Variants in NAAA observed in about 807,000 individuals in gnomAD.
NAAA encodes N-acylethanolamine-hydrolyzing acid amidase.
A neutral mutation model predicts 44.8 loss-of-function variants in NAAA; 39 were observed. The ratio of observed to expected loss-of-function variants is 0.87; its 90% CI spans 0.67 to 1.14. The LOEUF is 1.14. Among genes scored for constraint, NAAA ranks in the 50% most tolerant of loss-of-function variants. The pLI, the probability that NAAA is intolerant of heterozygous loss-of-function variation, is 0.00. For missense variants in NAAA, 460 were observed against 467.8 expected, an observed-to-expected ratio of 0.98 and a Z score of 0.15; for synonymous variants, 178 against 191.3, an observed-to-expected ratio of 0.93 and a Z score of 0.58.
intron 4 of NAAA, among the ~76,000 whole-genome samples, chr4:75,930,160 A>G (rs1376641340): frequency 6.6e-6 from 1 of 152,210 alleles, no homozygotes. Flanking sequence ...ATCAGGGTTC[A>G]TCAGACGAGC....
At chr4:75,937,980 C>G (rs1186990158) in intron 2 of NAAA, among the ~76,000 whole-genome samples, 1 of 152,220 alleles carries the variant, frequency 6.6e-6, no homozygotes, top group Non-Finnish European at 1.5e-5. Flanking sequence ...GCATGGGAGA[C>G]AAATGAGGAA....
intron 9 of NAAA, 81 bp downstream of exon 9, chr4:75,918,680 C>T (rs905570281): frequency 1.4e-6 from 2 of 1,477,286 alleles, no homozygotes; most frequent in East Asian, 2.3e-5. Context: ...GCCCTCAGAT[C>T]CTTGCTGAGC....
intron 9 of NAAA, chr4:75,916,479 G>A (rs149696584): frequency 8.5e-5 from 13 of 152,262 alleles, no homozygotes; most frequent in African/African-American, 2.9e-4. Flanking sequence ...AACCATTTCA[G>A]AAACCATTTA....
chr4:75,931,612 A>C (rs1727238806), intron 3 of NAAA, among the ~76,000 whole-genome samples: 1 of 152,228 alleles, frequency 6.6e-6, no homozygotes. Context: ...CAAATCACAC[A>C]ATCATAGTGG....
intron 4 of NAAA, among the ~76,000 whole-genome samples, chr4:75,928,636 G>T (rs1726947699): frequency 6.6e-6 from 1 of 151,556 alleles, no homozygotes; most frequent in African/African-American, 2.4e-5. Flanking sequence ...AAGATGGCTG[G>T]ATGCTCCAGT....
chr4:75,939,790 T>G (rs1169671483), intron 2 of NAAA: 11 of 573,806 alleles, frequency 1.9e-5, no homozygotes, highest in Middle Eastern at 4.8e-4. Flanking sequence ...AGGGAAAGTT[T>G]AGTGTTGAAT....
Position 75,918,764 on chromosome 4 carries a change from T to C in NAAA, c.995A>G (p.Asn332Ser), listed in dbSNP as rs752649854. The C allele has an allele frequency of 8.1e-6, 13 of 1,613,288 alleles. No homozygotes were observed. In the South Asian group the frequency reaches 1.3e-4, roughly 16 times the overall value. The stretch of plus-strand genomic sequence containing the variant: ...ACATGTTTAACAAGCCACTTACTTG[T>C]TATAAACTGGAACCACCGACAAAAT... ...FQILSVVPVY[N>S]NFTIYTTVMS... is the part of the protein sequence containing the mutation. Residue 332 changes from asparagine (N) to serine (S), a missense_variant, in exon 9 of 11, where the codon AAC (asparagine) becomes AGC (serine). By Grantham distance (46) the Asn-to-Ser change is conservative. Transcript: ENST00000286733.
At chr4:75,935,833 C>A in intron 3 of NAAA, 1 of 518,140 alleles carries the variant, frequency 1.9e-6, no homozygotes, top group Non-Finnish European at 3.3e-6. Context: ...AGAGCTGACT[C>A]TGCATAAGTG....
At chr4:75,919,040 A>G (rs1725898002) in intron 8 of NAAA, among the ~76,000 whole-genome samples, 1 of 99,992 alleles carries the variant, frequency 1.0e-5, no homozygotes, top group Admixed American at 1.0e-4. Context: ...GTGTACCTTG[A>G]GGTGATATAG....
At chr4:75,915,302 T>C (rs906180161) in intron 9 of NAAA, among the ~76,000 whole-genome samples, 10 of 152,038 alleles carry the variant, frequency 6.6e-5, no homozygotes, top group Admixed American at 2.0e-4. Context: ...TGAGCTGAGA[T>C]TGCGCCACTG....
chr4:75,912,384 C>T (rs1725360890), downstream of NAAA, among the ~76,000 whole-genome samples: 1 of 152,008 alleles, frequency 6.6e-6, no homozygotes, highest in Non-Finnish European at 1.5e-5. Context: ...GAAACCCTGT[C>T]TCTACTAAAA....
chr4:75,918,826 A>G (rs9999363), intron 8 of NAAA, 37 bp from the exon 9 acceptor site: 37 of 1,577,604 alleles, frequency 2.3e-5, no homozygotes, highest in Non-Finnish European at 3.1e-5. Flanking sequence ...AGAAGATTAC[A>G]TGGTAGAAGA....
intron 4 of NAAA, among the ~76,000 whole-genome samples, chr4:75,926,190 CA>C (rs1179963225): frequency 6.6e-6 from 1 of 152,022 alleles, no homozygotes; most frequent in Non-Finnish European, 1.5e-5. Flanking sequence ...AGTTTTCATT[CA>C]AGGCTAAGTA....
At chr4:75,939,689 A>G (rs1728055448) in intron 2 of NAAA, 1 of 300,652 alleles carries the variant, frequency 3.3e-6, no homozygotes, top group Non-Finnish European at 6.6e-6. Flanking sequence ...TGCTGGGATT[A>G]CAGGTGTGAG....
At chr4:75,939,754 A>C in intron 2 of NAAA, 2 of 499,780 alleles carry the variant, frequency 4.0e-6, no homozygotes, top group East Asian at 6.9e-5. Flanking sequence ...TGGATTGGGG[A>C]AGAGAAAACC....
rs1040938367 is a variant in NAAA, at chr4:75,936,183, G to A, written c.424C>T (p.Arg142Trp). The change falls in exon 3 of 11, where the codon CGG becomes TGG. Residue 142 changes from arginine to tryptophan, a missense_variant. Arg to Trp is a moderately radical substitution (Grantham distance 101). Transcript: ENST00000286733. ...QDSRGHIYHGRNLDYPFGNVL... is the reference protein window; with the variant it reads ...QDSRGHIYHGWNLDYPFGNVL... ...TTCCCAAAAGGATAATCCAAATTCC[G>A]ACCATGGTAAATGTGGCCTCTGGAG... The A allele has an allele frequency of 4.3e-6, 7 of 1,613,766 alleles. No individual in the cohort carries two copies. In the East Asian group the frequency reaches 8.9e-5, roughly 21 times the overall value.
intron 5 of NAAA, among the ~76,000 whole-genome samples, chr4:75,923,648 T>G (rs1284776112): frequency 6.6e-6 from 1 of 151,410 alleles, no homozygotes; most frequent in Non-Finnish European, 1.5e-5. Context: ...CAAGTGATTC[T>G]CCTGCCTCAG....
intron 4 of NAAA, among the ~76,000 whole-genome samples, chr4:75,928,983 G>A (rs1338756163): frequency 4.0e-5 from 6 of 150,306 alleles, no homozygotes; most frequent in Non-Finnish European, 5.9e-5. Context: ...TAGTAGAGAC[G>A]GGGTTTCACT....
chr4:75,913,797 G>C lies in NAAA; in HGVS notation c.*578C>G. The C allele has an allele frequency of 3.0e-6, 3 of 984,908 alleles. No homozygotes were observed. Among genetic ancestry groups the C allele is most frequent in the Non-Finnish European group, 3.6e-6 (3 of 829,488 alleles). The allele number at this position is 984,908 out of a possible 1,614,324, so 61.0% of individuals were successfully genotyped here. ...GAAAGTAGCTATTGAGAAAGAAGGA[G>C]GGCCATAGGTTTTTCAATAAAACGT... On this transcript the variant is annotated 3_prime_UTR_variant, in exon 11 of 11. Transcript: ENST00000286733.
Sources: gnomAD v4.1 joint callset for allele counts (sites outside exome capture counted in the v4.1 genomes callset) on GRCh38, gnomAD v4.1.1 for gene constraint, MANE v1.5 for transcripts, NCBI Gene and HGNC (gene_info 2026-07-23, HGNC 2026-07-21) for gene names.